ATP8B4: variants seen among roughly 807,000 people sequenced by gnomAD.
ATP8B4 encodes probable phospholipid-transporting ATPase IM.
In ATP8B4, 133 loss-of-function variants were observed where a neutral mutation model predicts 145.6. That is an observed-to-expected ratio of 0.91 (90% CI 0.79 to 1.05). The LOEUF (loss-of-function observed/expected upper bound fraction) is 1.05, where lower values mean the gene tolerates loss of function less well. Ranked by LOEUF, ATP8B4 falls within the 50% of genes least tolerant of loss-of-function variation. The pLI is 0.00. For synonymous variants in ATP8B4, 507 were observed against 492.9 expected (o/e 1.03, Z -0.38); for missense variants, 1,458 against 1,425.2 (o/e 1.02, Z -0.37).
chr15:49,901,261 T>C (rs2037998209), intron 20 of ATP8B4, 22 bp from the exon 21 acceptor site: 3 of 1,610,192 alleles, frequency 1.9e-6, no homozygotes, highest in South Asian at 2.2e-5. Context: ...GGGTGAAAAG[T>C]GAAACATAAC....
chr15:49,860,937 C>G (rs117305557), intron 27 of ATP8B4, among the ~76,000 whole-genome samples: 1 of 152,048 alleles, frequency 6.6e-6, no homozygotes, highest in Non-Finnish European at 1.5e-5. Flanking sequence ...TGTGGTAGCT[C>G]AACGTATCAT....
At chr15:49,964,428 G>A (rs1224286711) in intron 13 of ATP8B4, among the ~76,000 whole-genome samples, 1 of 152,058 alleles carries the variant, frequency 6.6e-6, no homozygotes, top group Non-Finnish European at 1.5e-5. Flanking sequence ...AAGAAAAATT[G>A]CCTAAGAAGA....
chr15:49,934,544 C>T (rs1276025673), intron 14 of ATP8B4, among the ~76,000 whole-genome samples: 1 of 152,064 alleles, frequency 6.6e-6, no homozygotes, highest in Non-Finnish European at 1.5e-5. Flanking sequence ...CCCATTTGTG[C>T]AGCAATATCT....
At chr15:50,117,731 T>C (rs1006233052) in intron 1 of ATP8B4, among the ~76,000 whole-genome samples, 2 of 152,198 alleles carry the variant, frequency 1.3e-5, no homozygotes, top group Non-Finnish European at 2.9e-5. Flanking sequence ...CTATTCACAA[T>C]AGCCAAGATA....
At chr15:49,933,994 C>G in intron 15 of ATP8B4, 23 bp downstream of exon 15, 1 of 1,500,444 alleles carries the variant, frequency 6.7e-7, no homozygotes, top group South Asian at 1.4e-5. Flanking sequence ...AGGTTCACCA[C>G]TCAGACATAA....
At chr15:49,953,297 G>C (rs756725856) in intron 14 of ATP8B4, among the ~76,000 whole-genome samples, 2 of 152,192 alleles carry the variant, frequency 1.3e-5, no homozygotes, top group Non-Finnish European at 2.9e-5. Context: ...AGATTCCTCA[G>C]AACAACCAGG....
intron 2 of ATP8B4, among the ~76,000 whole-genome samples, chr15:50,078,173 G>T (rs900182340): frequency 6.6e-6 from 1 of 151,542 alleles, no homozygotes; most frequent in African/African-American, 2.4e-5. Flanking sequence ...GTTTTTTAGA[G>T]ATGCTCTTTT....
chr15:50,072,956 C>T (rs1567305906), intron 3 of ATP8B4, among the ~76,000 whole-genome samples: 1 of 31,262 alleles, frequency 3.2e-5, no homozygotes, highest in Non-Finnish European at 5.6e-5. Flanking sequence ...CTCTCTCTCT[C>T]TCTCTCTCTC....
At chr15:49,913,315 T>A (rs2039424868) in intron 20 of ATP8B4, among the ~76,000 whole-genome samples, 1 of 152,074 alleles carries the variant, frequency 6.6e-6, no homozygotes, top group Non-Finnish European at 1.5e-5. Context: ...AATCATTTGA[T>A]AAAATTCAAC....
chr15:50,074,274 T>C, intron 2 of ATP8B4, 89 bp from the exon 3 acceptor site: 4 of 1,102,000 alleles, frequency 3.6e-6, no homozygotes, highest in East Asian at 2.4e-5. Flanking sequence ...GGTTGCTTTG[T>C]TGTTAAGGCT....
chr15:50,043,750 G>A (rs1481522172), intron 5 of ATP8B4, among the ~76,000 whole-genome samples: 6 of 151,302 alleles, frequency 4.0e-5, no homozygotes, highest in African/African-American at 1.5e-4. Context: ...TCAGGAGATC[G>A]AGACCATCCT....
intron 1 of ATP8B4, among the ~76,000 whole-genome samples, chr15:50,174,463 AACGT>A (rs1440702268): frequency 6.6e-6 from 1 of 152,074 alleles, no homozygotes; most frequent in East Asian, 1.9e-4. Context: ...ATACAAGATT[AACGT>A]ACACAAATCA....
At chr15:49,932,083 T>C (rs2041314124) in intron 15 of ATP8B4, among the ~76,000 whole-genome samples, 1 of 151,676 alleles carries the variant, frequency 6.6e-6, no homozygotes, top group Non-Finnish European at 1.5e-5. Flanking sequence ...ATTTGAAAAT[T>C]AATTAATGTT....
chr15:50,030,242 G>T (rs1243793571), intron 6 of ATP8B4, among the ~76,000 whole-genome samples: 1 of 151,770 alleles, frequency 6.6e-6, no homozygotes, highest in Non-Finnish European at 1.5e-5. Flanking sequence ...ACTGAGAAAA[G>T]ATGCATAAAC....
At chr15:49,953,355 C>T (rs1251105090) in intron 14 of ATP8B4, among the ~76,000 whole-genome samples, 2 of 152,180 alleles carry the variant, frequency 1.3e-5, no homozygotes, top group South Asian at 2.1e-4. Context: ...CCACCCCTCC[C>T]CCTAGGGGCT....
intron 14 of ATP8B4, among the ~76,000 whole-genome samples, chr15:49,952,205 C>T (rs895177960): frequency 1.3e-5 from 2 of 152,038 alleles, no homozygotes; most frequent in African/African-American, 4.8e-5. Context: ...ATCTTAATGA[C>T]GTTCTCTGTA....
At chr15:49,921,053 A>G (rs937685830) in intron 17 of ATP8B4, among the ~76,000 whole-genome samples, 4 of 152,226 alleles carry the variant, frequency 2.6e-5, no homozygotes, top group African/African-American at 7.2e-5. Flanking sequence ...TAGAAGTTTA[A>G]GCATATTACT....
rs375138843 is a variant in ATP8B4 at position 49,925,493 on chromosome 15, A to G, written c.1643-1999T>C. 2.6e-5 allele frequency among the ~76,000 whole-genome samples: 4 copies of G among 152,172 alleles called. No individual in the cohort carries two copies. In the East Asian group the frequency reaches 7.7e-4, roughly 29 times the overall value. ...TTTGTCCTTGTGCATCCTCTGAAAAACTCACAAAGTTCCCTAAGGTTCCCT... is the reference window on the plus strand; with the variant it reads ...TTTGTCCTTGTGCATCCTCTGAAAAGCTCACAAAGTTCCCTAAGGTTCCCT... On this transcript the variant is annotated intron_variant, in intron 16 of 27. Coordinates refer to ENST00000284509, the MANE Select transcript of ATP8B4 (RefSeq NM_024837.4).
intron 1 of ATP8B4, among the ~76,000 whole-genome samples, chr15:50,180,551 T>C (rs1035253255): frequency 6.6e-6 from 1 of 152,054 alleles, no homozygotes; most frequent in Non-Finnish European, 1.5e-5. Flanking sequence ...ACAGTAGCTG[T>C]TCAAGGAAAA....
Sources: gnomAD v4.1 joint callset for allele counts (sites outside exome capture counted in the v4.1 genomes callset) on GRCh38, gnomAD v4.1.1 for gene constraint, MANE v1.5 for transcripts, NCBI Gene and HGNC (gene_info 2026-07-23, HGNC 2026-07-21) for gene names.